The following E4F1 variants were observed in gnomAD, a reference collection of about 807,000 sequenced individuals.
E4F1 encodes transcription factor E4F1.
Under a neutral mutation model 72.9 loss-of-function variants are expected in E4F1, and 30 were observed. The observed-to-expected ratio is 0.41, with a 90% confidence interval of 0.31 to 0.56. The LOEUF (loss-of-function observed/expected upper bound fraction) is 0.56, where lower values mean the gene tolerates loss of function less well. Ranked by LOEUF, E4F1 falls within the 20% of genes least tolerant of loss-of-function variation. The probability of loss-of-function intolerance (pLI) is 0.25; values close to 1 mark genes in which losing one functional copy is unlikely to be tolerated. For synonymous variants in E4F1, 542 were observed against 478.2 expected (o/e 1.13, Z -1.74); for missense variants, 1,091 against 1,117.5 (o/e 0.98, Z 0.34).
At chr16:2,230,317 G>A (rs26837) in intron 3 of E4F1, 73,505 of 153,500 alleles carry the variant, frequency 0.48, 17,891 homozygotes, top group East Asian at 0.57. Flanking sequence ...TGGATGGGCA[G>A]GCTCTCATCG....
rs199723355 is a variant in E4F1 at position 2,235,327 on chromosome 16, G to C, written c.2110G>C (p.Glu704Gln). ...GGACGAGGAGACGGCGCTGGGCCCAGAGGCGGCTGCCGCCGACACCATCAC... is the reference window on the plus strand; with the variant it reads ...GGACGAGGAGACGGCGCTGGGCCCACAGGCGGCTGCCGCCGACACCATCAC... ...TMDEETALGP[E>Q]AAAADTITIA... The change falls in exon 14 of 14, where the codon GAG (glutamate) becomes CAG (glutamine). Residue 704 changes from glutamate (E) to glutamine (Q), a missense_variant. Physicochemically the swap from Glu to Gln is conservative, Grantham distance 29. This residue lies in a region of E4F1 where 622 missense variants were observed against 628.0 expected (regional missense o/e 0.99). Coordinates refer to ENST00000301727, the MANE Select transcript of E4F1 (RefSeq NM_004424.5). 6 of 1,609,896 alleles carry C rather than the reference G, an allele frequency of 3.7e-6. No individual in the cohort carries two copies. The African/African-American group carries it at 4.0e-5, about 11-fold the overall frequency.
chr16:2,230,026 C>T (rs770990600), intron 3 of E4F1: 71 of 294,808 alleles, frequency 2.4e-4, no homozygotes, highest in Middle Eastern at 1.2e-3. Context: ...TAGGCAGCAA[C>T]ATCCACCAGG....
intron 1 of E4F1, chr16:2,224,009 G>A: frequency 1.4e-6 from 2 of 1,435,576 alleles, no homozygotes; most frequent in Non-Finnish European, 1.8e-6. Flanking sequence ...AAGTGCTCGC[G>A]GGTTGCTGAG....
At chr16:2,229,732 G>C in intron 3 of E4F1, 57 bp downstream of exon 3, 1 of 1,578,118 alleles carries the variant, frequency 6.3e-7, no homozygotes, top group Non-Finnish European at 8.7e-7. Flanking sequence ...GGGGCCAGAG[G>C]ATGGGGCCCC....
chr16:2,233,014 C>T lies in E4F1; in HGVS notation c.887C>T (p.Ser296Phe). Residue 296 changes from serine (S) to phenylalanine (F), a missense_variant, in exon 7 of 14, where the codon TCT becomes TTT. By Grantham distance (155) the Ser-to-Phe change is radical (BLOSUM62 -2). This residue lies in a region of E4F1 where 101 missense variants were observed against 97.4 expected (regional missense o/e 1.04). Transcript: ENST00000301727. Reference sequence around the variant, plus strand: ...ACTCCCTCACTCCACCTTGAAGGTTCTGGAGCTGGAGCTGCCGGCTTGGGG... The same window carrying T: ...ACTCCCTCACTCCACCTTGAAGGTTTTGGAGCTGGAGCTGCCGGCTTGGGG... Reference protein sequence around the residue: ...VVSKEDARAGSGAGAAGLGTA... With the variant: ...VVSKEDARAGFGAGAAGLGTA... The T allele has an allele frequency of 6.2e-7, 1 of 1,608,174 alleles. No individual in the cohort carries two copies. The highest frequency in any genetic ancestry group is 8.5e-7 in the Non-Finnish European group (1 of 1,175,956).
intron 3 of E4F1, 87 bp downstream of exon 3, chr16:2,229,762 TCTCC>T: frequency 1.4e-6 from 2 of 1,433,996 alleles, no homozygotes; most frequent in Non-Finnish European, 1.9e-6. Flanking sequence ...TATGCTCGTC[TCTCC>T]CGAGACCAGG....
intron 2 of E4F1, among the ~76,000 whole-genome samples, chr16:2,229,366 G>GC (rs199569337): frequency 2.0e-5 from 3 of 152,338 alleles, no homozygotes; most frequent in African/African-American, 7.2e-5. Flanking sequence ...CCCTGGCCCG[G>GC]GGGTGAAGGG....
chr16:2,226,097 GAAA>G, intron 1 of E4F1, among the ~76,000 whole-genome samples: 1 of 143,986 alleles, frequency 6.9e-6, no homozygotes, highest in Middle Eastern at 3.6e-3. Flanking sequence ...CGCCTTGAAA[GAAA>G]AAAAAAAAAG....
Position 2,233,610 on chromosome 16 carries a change from C to T in E4F1, c.1229C>T (p.Pro410Leu), listed in dbSNP as rs772146423. The T allele has an allele frequency of 1.7e-5, 26 of 1,511,252 alleles. No homozygotes were observed. The East Asian group carries it at 2.2e-4, about 13-fold the overall frequency. The allele number at this position is 1,511,252 out of a possible 1,614,324, so 93.6% of individuals were successfully genotyped here. The stretch of plus-strand genomic sequence containing the variant: ...CCCCAGCCCCTGGCAGTGGCAGCCC[C>T]GCAGCTGCCGGTACTGGAAGTGCAG... The part of the protein sequence containing the change: ...SSPQPLAVAA[P>L]QLPVLEVQPL... Residue 410 changes from proline (P) to leucine (L), a missense_variant, in exon 8 of 14, where the codon CCG (proline) becomes CTG (leucine). By Grantham distance (98) the Pro-to-Leu change is moderately conservative. This residue lies in a region of E4F1 where 622 missense variants were observed against 628.0 expected (regional missense o/e 0.99). Transcript: ENST00000301727.
chr16:2,233,435 C>T lies in E4F1; in HGVS notation c.1057-3C>T. Reference sequence around the variant, plus strand: ...CAGCCTCCTCTCTCTGCCTCCCCTGCAGCCCCCCGTCTCCCAGGAGCTCCC... The same window carrying T: ...CAGCCTCCTCTCTCTGCCTCCCCTGTAGCCCCCCGTCTCCCAGGAGCTCCC... On this transcript the variant is annotated splice_region_variant and splice_polypyrimidine_tract_variant and intron_variant, in intron 7 of 13. Transcript: ENST00000301727. 2 of 1,510,188 alleles carry T rather than the reference C, an allele frequency of 1.3e-6. No homozygotes were observed. Among genetic ancestry groups the T allele is most frequent in the Non-Finnish European group, 8.8e-7 (1 of 1,135,888 alleles). 93.5% of individuals were successfully genotyped at this position (1,510,188 alleles called of 1,614,324 possible). A position where few individuals can be genotyped will look rare whatever the true frequency, so the allele number is the denominator to read the frequency against.
intron 2 of E4F1, among the ~76,000 whole-genome samples, chr16:2,228,747 T>G (rs1188678191): frequency 6.6e-6 from 1 of 152,138 alleles, no homozygotes; most frequent in Admixed American, 6.5e-5. Flanking sequence ...CAGCCTCTGG[T>G]CGAAGCCCGT....
chr16:2,223,918 C>G (rs2093414607), intron 1 of E4F1, 148 bp downstream of exon 1: 1 of 1,531,000 alleles, frequency 6.5e-7, no homozygotes, highest in African/African-American at 1.4e-5. Context: ...CAGCCCTCCA[C>G]GAAACCCCCA....
intron 9 of E4F1, 36 bp downstream of exon 9, chr16:2,234,026 G>T: frequency 6.4e-7 from 1 of 1,554,382 alleles, no homozygotes; most frequent in South Asian, 1.2e-5. Context: ...CATGGCAGTG[G>T]ATGGGCTATA....
At chr16:2,225,633 C>T (rs1054982958) in intron 1 of E4F1, among the ~76,000 whole-genome samples, 9 of 151,688 alleles carry the variant, frequency 5.9e-5, no homozygotes, top group South Asian at 2.1e-4. Context: ...GCATCACACC[C>T]GGCTAATTTT....
intron 1 of E4F1, among the ~76,000 whole-genome samples, chr16:2,224,285 T>C (rs1251421176): frequency 1.3e-5 from 2 of 152,228 alleles, no homozygotes; most frequent in South Asian, 2.1e-4. Flanking sequence ...AGTCCCACAC[T>C]TGCCGCTTTC....
Position 2,235,256 on chromosome 16 carries a change from A to G in E4F1, c.2039A>G (p.His680Arg), listed in dbSNP as rs762846183. ...ATGAAGGTGGTGCAGCAGATCGTGC[A>G]CCAGGCTAGCGCCGGCCACCAGATC... ...HIMKVVQQIVHQASAGHQIIV... is the reference protein window; with the variant it reads ...HIMKVVQQIVRQASAGHQIIV... The change falls in exon 14 of 14, where the codon CAC becomes CGC. Residue 680 changes from histidine to arginine, a missense_variant. By Grantham distance (29) the His-to-Arg change is conservative. Around this residue, in one of 5 missense-constraint regions of E4F1, gnomAD observed 622 missense variants for 628.0 expected, o/e 0.99. Transcript: ENST00000301727. The G allele has an allele frequency of 4.3e-6, 7 of 1,610,766 alleles. No homozygotes were observed. The Admixed American group carries it at 8.3e-5, about 19-fold the overall frequency.
rs747936086 is a variant in E4F1, at chr16:2,232,339, C to T, written c.584C>T (p.Ala195Val). The change falls in exon 4 of 14, where the codon GCG (alanine) becomes GTG (valine). Residue 195 changes from alanine to valine, a missense_variant. Coordinates refer to ENST00000301727, the MANE Select transcript of E4F1 (RefSeq NM_004424.5). Reference sequence around the variant, plus strand: ...AACAAGGATGGCCGCTATGTGTGTGCGCTGTGCCACAAGACCTTCAAGACG... The same window carrying T: ...AACAAGGATGGCCGCTATGTGTGTGTGCTGTGCCACAAGACCTTCAAGACG... ...LVNKDGRYVCALCHKTFKTGS... is the reference protein window; with the variant it reads ...LVNKDGRYVCVLCHKTFKTGS... 1.8e-5 allele frequency: 29 copies of T among 1,604,958 alleles called. No homozygotes were observed. Among genetic ancestry groups the T allele is most frequent in the African/African-American group, 4.0e-5 (3 of 74,750 alleles).
intron 1 of E4F1, among the ~76,000 whole-genome samples, chr16:2,227,273 G>C (rs2093437514): frequency 6.6e-6 from 1 of 152,158 alleles, no homozygotes; most frequent in Non-Finnish European, 1.5e-5. Context: ...GCAATGGGGA[G>C]ATCTTGGCTT....
intron 13 of E4F1, 23 bp from the exon 14 acceptor site, chr16:2,235,193 C>T: frequency 1.2e-6 from 2 of 1,609,810 alleles, no homozygotes; most frequent in African/African-American, 2.7e-5. Flanking sequence ...CACAGCCGCT[C>T]TTGCTGAGCC....
Sources: allele counts gnomAD v4.1 joint callset (sites outside exome capture counted in the v4.1 genomes callset), GRCh38; gene constraint gnomAD v4.1.1; regional missense constraint gnomAD v4.1.1; transcripts MANE v1.5; gene names NCBI Gene and HGNC (gene_info 2026-07-23, HGNC 2026-07-21).